GLI2: variants seen among roughly 807,000 people sequenced by gnomAD.
GLI2 encodes transcription activator GLI2.
A neutral mutation model predicts 78.9 loss-of-function variants in GLI2; 22 were observed. The observed-to-expected ratio is 0.28, with a 90% CI of 0.20 to 0.40. The LOEUF (loss-of-function observed/expected upper bound fraction) is 0.40. Ranked by LOEUF, GLI2 falls within the 10% of genes least tolerant of loss-of-function variation. GLI2 has a pLI of 1.00. For missense variants in GLI2, 2,097 were observed against 2,213.2 expected (o/e 0.95, Z 1.05); for synonymous variants, 974 against 963.7 (o/e 1.01, Z -0.20).
At position 120,747,575 on chromosome 2, in the gene GLI2, G is replaced by C. The variant is rs60757248; in HGVS notation, c.-31+11290G>C. ...TTTGACCTGTCTGGAGACATTTTTG[G>C]TTGTCACAACAAGGGGAATGCTATT... On this transcript the variant is annotated intron_variant, in intron 1 of 13. Transcript: ENST00000361492. Among the ~76,000 whole-genome samples, 517 of 152,326 alleles carry C rather than the reference G, an allele frequency of 3.4e-3. 3 individuals are homozygous for C. Among genetic ancestry groups the C allele is most frequent in the African/African-American group, 0.012 (485 of 41,572 alleles).
At chr2:120,815,445 C>A (rs955459384) in intron 2 of GLI2, among the ~76,000 whole-genome samples, 8 of 152,078 alleles carry the variant, frequency 5.3e-5, no homozygotes, top group African/African-American at 1.9e-4. Flanking sequence ...ATGCAGACAG[C>A]ATTGCCTGCC....
At chr2:120,942,898 G>T (rs189420775) in intron 3 of GLI2, among the ~76,000 whole-genome samples, 1 of 142,020 alleles carries the variant, frequency 7.0e-6, no homozygotes, top group South Asian at 2.1e-4. Flanking sequence ...TCACTCATTC[G>T]TTCACACCCT....
At chr2:120,768,624 C>G (rs1445027234) in intron 1 of GLI2, among the ~76,000 whole-genome samples, 1 of 152,188 alleles carries the variant, frequency 6.6e-6, no homozygotes, top group East Asian at 1.9e-4. Context: ...AAGGGAGGTC[C>G]TGTTGGTGCC....
intron 9 of GLI2, among the ~76,000 whole-genome samples, chr2:120,976,975 A>G (rs938655174): frequency 6.6e-6 from 1 of 152,272 alleles, no homozygotes; most frequent in Non-Finnish European, 1.5e-5. Flanking sequence ...CATTTTTATC[A>G]TTTGAAAGGC....
intron 1 of GLI2, among the ~76,000 whole-genome samples, chr2:120,779,935 C>T (rs1437657571): frequency 2.0e-5 from 3 of 152,094 alleles, no homozygotes; most frequent in South Asian, 2.1e-4. Context: ...TTTGTGTGTG[C>T]GTATGTGTCA....
intron 2 of GLI2, among the ~76,000 whole-genome samples, chr2:120,907,713 C>G (rs1383107845): frequency 6.6e-6 from 1 of 152,108 alleles, no homozygotes; most frequent in Non-Finnish European, 1.5e-5. Context: ...GTCATGTACT[C>G]CTCAAGCCTC....
intron 1 of GLI2, among the ~76,000 whole-genome samples, chr2:120,776,634 A>T: frequency 6.6e-6 from 1 of 152,222 alleles, no homozygotes. Context: ...GGGGGACCTC[A>T]CCAAGATCCA....
chr2:120,815,863 G>A (rs1160018644), intron 2 of GLI2, among the ~76,000 whole-genome samples: 1 of 152,184 alleles, frequency 6.6e-6, no homozygotes, highest in Non-Finnish European at 1.5e-5. Context: ...GCGATCTGAG[G>A]GGGTGTTAGG....
At chr2:120,752,293 C>T (rs1424827051) in intron 1 of GLI2, among the ~76,000 whole-genome samples, 21 of 134,726 alleles carry the variant, frequency 1.6e-4, no homozygotes, top group East Asian at 4.3e-4. Flanking sequence ...TTTTTTGAGA[C>T]GGAGTCTCTG....
intron 2 of GLI2, among the ~76,000 whole-genome samples, chr2:120,810,207 G>C (rs1052675316): frequency 6.6e-6 from 1 of 152,246 alleles, no homozygotes; most frequent in African/African-American, 2.4e-5. Flanking sequence ...TCCAAGGAGG[G>C]GGATGGTCTT....
intron 2 of GLI2, among the ~76,000 whole-genome samples, chr2:120,891,112 G>A (rs1161852933): frequency 6.6e-6 from 1 of 152,224 alleles, no homozygotes; most frequent in African/African-American, 2.4e-5. Context: ...CAGCATCAGG[G>A]AGCTGATGGC....
chr2:120,948,093 C>T (rs1680800630), intron 3 of GLI2, among the ~76,000 whole-genome samples: 1 of 152,162 alleles, frequency 6.6e-6, no homozygotes, highest in Admixed American at 6.5e-5. Flanking sequence ...TGTGATGGGG[C>T]GGGTAGTGCC....
intron 12 of GLI2, 107 bp downstream of exon 12, chr2:120,984,850 C>T: frequency 8.8e-7 from 1 of 1,132,480 alleles, no homozygotes; most frequent in Non-Finnish European, 1.3e-6. Flanking sequence ...CCTCTAGGGG[C>T]ACAGCGATAT....
At chr2:120,771,638 G>A (rs138951672) in intron 1 of GLI2, among the ~76,000 whole-genome samples, 5 of 152,380 alleles carry the variant, frequency 3.3e-5, no homozygotes, top group African/African-American at 1.2e-4. Flanking sequence ...TTGGGCTGGA[G>A]CCCAGAGCTG....
intron 1 of GLI2, among the ~76,000 whole-genome samples, chr2:120,755,392 A>G (rs1407597404): frequency 6.6e-6 from 1 of 151,898 alleles, no homozygotes; most frequent in Non-Finnish European, 1.5e-5. Context: ...CCACCTGTAT[A>G]TTGTCTCTAG....
rs547164367 is a variant in GLI2, at chr2:120,881,452, T to A, written c.149-45909T>A. 2.8e-3 allele frequency among the ~76,000 whole-genome samples: 168 copies of A among 59,766 alleles called. 1 individual carries two copies. The highest frequency in any genetic ancestry group is 0.011 in the African/African-American group (164 of 14,322). 39.2% of individuals were successfully genotyped at this position (59,766 alleles called of 152,430 possible). On this transcript the variant is annotated intron_variant, in intron 2 of 13. Transcript: ENST00000361492. The stretch of plus-strand genomic sequence containing the variant: ...GGGGAGGGCAGGAGTGGGAGGACTG[T>A]GGAAGGTGGACAGGTTGGGGGAGGA...
chr2:120,785,982 G>A (rs1683986202), intron 1 of GLI2, among the ~76,000 whole-genome samples: 1 of 152,188 alleles, frequency 6.6e-6, no homozygotes, highest in South Asian at 2.1e-4. Flanking sequence ...GATGACCCCT[G>A]GAGGCCTTTC....
chr2:120,788,396 A>G (rs1441741050), intron 1 of GLI2, among the ~76,000 whole-genome samples: 1 of 152,248 alleles, frequency 6.6e-6, no homozygotes, highest in Non-Finnish European at 1.5e-5. Flanking sequence ...TGTTCCTGGC[A>G]GGAAGGCATG....
intron 1 of GLI2, among the ~76,000 whole-genome samples, chr2:120,746,816 A>T (rs994427347): frequency 1.9e-4 from 29 of 151,956 alleles, no homozygotes; most frequent in Admixed American, 1.7e-3. Flanking sequence ...TTAATATAAA[A>T]TTTTTTTTGC....
Sources: allele counts gnomAD v4.1 joint callset (sites outside exome capture counted in the v4.1 genomes callset), GRCh38; gene constraint gnomAD v4.1.1; transcripts MANE v1.5; gene names NCBI Gene and HGNC (gene_info 2026-07-23, HGNC 2026-07-21).